The following POLL variants were observed in gnomAD, a reference collection of about 807,000 sequenced individuals.
POLL encodes DNA polymerase lambda, also known as DNA polymerase beta-2.
In POLL, 44 loss-of-function variants were observed where a neutral mutation model predicts 58.1. That is an observed-to-expected ratio of 0.76 (90% confidence interval 0.60 to 0.97). The LOEUF (loss-of-function observed/expected upper bound fraction) is 0.97, where lower values mean the gene tolerates loss of function less well. POLL is among the 50% of genes least tolerant of loss of function. POLL has a pLI of 0.00. For missense variants in POLL, 632 were observed against 736.8 expected (o/e 0.86, Z 1.65); for synonymous variants, 290 against 283.2 (o/e 1.02, Z -0.24).
At chr10:101,584,981 A>T in intron 4 of POLL, 62 bp from the exon 5 acceptor site, 1 of 911,588 alleles carries the variant, frequency 1.1e-6, no homozygotes, top group Non-Finnish European at 1.5e-6. Flanking sequence ...GGATCCTTAA[A>T]GGTGGGGGTC....
chr10:101,584,548 G>A, intron 5 of POLL, 54 bp downstream of exon 5: 1 of 1,296,990 alleles, frequency 7.7e-7, no homozygotes, highest in East Asian at 2.4e-5. Flanking sequence ...CCCCACTGGG[G>A]TTACTAACCA....
chr10:101,580,470 C>T lies in POLL; in HGVS notation c.1195-54G>A. 2 of 1,547,166 alleles carry T rather than the reference C, an allele frequency of 1.3e-6. No individual in the cohort carries two copies. The highest frequency in any genetic ancestry group is 2.2e-5 in the East Asian group (1 of 44,510). ...GGCTGTGCGTGGGGAGCTCCTCTCC[C>T]ACAGCAGTACAAGGGCCTTCCCAGA... is the stretch of plus-strand genomic sequence containing the variant. On this transcript the variant is annotated intron_variant, in intron 7 of 8. Coordinates refer to ENST00000370162, the MANE Select transcript of POLL (RefSeq NM_001174084.2). This position sits in a 1 kb window ranked among gnomAD's most constrained non-coding sequence, Gnocchi z 4.1.
rs112379699 is a variant in POLL at position 101,580,188 on chromosome 10, G to A, written c.1363+60C>T. ...GAACTTCTGAGGTTCTCCCTCTGAG[G>A]GGGCCCCCAGACCTGTGCTGCCCTC... is the stretch of plus-strand genomic sequence containing the variant. On this transcript the variant is annotated intron_variant, in intron 8 of 8. Transcript: ENST00000370162. This position sits in a 1 kb window ranked among gnomAD's most constrained non-coding sequence, Gnocchi z 4.1. The A allele has an allele frequency of 6.7e-7, 1 of 1,485,362 alleles. No homozygotes were observed. Among genetic ancestry groups the A allele is most frequent in the Non-Finnish European group, 9.1e-7 (1 of 1,094,064 alleles). The allele number at this position is 1,485,362 out of a possible 1,614,324, so 92.0% of individuals were successfully genotyped here. A position where few individuals can be genotyped will look rare whatever the true frequency, so the allele number is the denominator to read the frequency against.
At chr10:101,586,449 C>T (rs1033089644) in intron 2 of POLL, among the ~76,000 whole-genome samples, 1 of 151,912 alleles carries the variant, frequency 6.6e-6, no homozygotes, top group Admixed American at 6.6e-5. Flanking sequence ...TTAATGAATG[C>T]CTCCTCCCTT....
chr10:101,584,428 T>C (rs1281844143), intron 5 of POLL, among the ~76,000 whole-genome samples, 174 bp downstream of exon 5: 1 of 152,212 alleles, frequency 6.6e-6, no homozygotes, highest in African/African-American at 2.4e-5. Flanking sequence ...ATCGTACATC[T>C]CCCAGCTTCA....
chr10:101,585,209 C>T, intron 4 of POLL, 107 bp downstream of exon 4: 2 of 958,944 alleles, frequency 2.1e-6, no homozygotes, highest in Non-Finnish European at 3.1e-6. Context: ...CAATAGAGCC[C>T]TCCTCTCTCA....
chr10:101,580,349 C>T lies in POLL; in HGVS notation c.1262G>A (p.Gly421Glu). Residue 421 changes from glycine (G) to glutamate (E), a missense_variant, in exon 8 of 9, where the codon GGA becomes GAA. By Grantham distance (98) the Gly-to-Glu change is moderately conservative. Coordinates refer to ENST00000370162, the MANE Select transcript of POLL (RefSeq NM_001174084.2). This position sits in a 1 kb window ranked among gnomAD's most constrained non-coding sequence, Gnocchi z 4.1. ...LCVACGSYRR[G>E]KATCGDVDVL... ...GTCGACATCACCACAGGTCGCCTTT[C>T]CCCGTCGGTATGAACCACATGCCAC... The T allele has an allele frequency of 6.2e-7, 1 of 1,614,058 alleles. No individual in the cohort carries two copies. The highest frequency in any genetic ancestry group is 1.1e-5 in the South Asian group (1 of 91,088).
intron 6 of POLL, 176 bp from the exon 7 acceptor site, chr10:101,583,067 G>A: frequency 1.4e-6 from 1 of 701,938 alleles, no homozygotes; most frequent in South Asian, 1.5e-5. Flanking sequence ...AGGGAGCATG[G>A]GAAACATGCC....
At position 101,579,754 on chromosome 10, in the gene POLL, A is replaced by AC. The variant is rs768313675; in HGVS notation, c.1426dup (p.Val476GlyfsTer22). 1.2e-6 allele frequency: 2 copies of AC among 1,613,696 alleles called. No homozygotes were observed. On this transcript the variant is annotated frameshift_variant, in exon 9 of 9. Coordinates refer to ENST00000370162, the MANE Select transcript of POLL (RefSeq NM_001174084.2). LOFTEE classifies it high-confidence loss of function. This position sits in a 1 kb window ranked among gnomAD's most constrained non-coding sequence, Gnocchi z 4.4. ...CCGCCCTGGCCCTGGGAGCCGGCAC[A>AC]CCCCCAAGTACTTCTGTTGCTGACC...
rs199765592 is a variant in POLL, at chr10:101,580,240, G to A, written c.1363+8C>T. 8.1e-6 allele frequency: 13 copies of A among 1,611,558 alleles called. No homozygotes were observed. In the East Asian group the frequency reaches 2.5e-4, roughly 30 times the overall value. On this transcript the variant is annotated splice_region_variant and intron_variant, in intron 8 of 8. Coordinates refer to ENST00000370162, the MANE Select transcript of POLL (RefSeq NM_001174084.2). This position sits in a 1 kb window ranked among gnomAD's most constrained non-coding sequence, Gnocchi z 4.1. ...GTCAACCTGCTCACCCAGAGATGGA[G>A]CTTATACCTTCCTGCCGAAGACTGT...
chr10:101,584,295 C>T (rs953501746), intron 5 of POLL, among the ~76,000 whole-genome samples: 2 of 151,924 alleles, frequency 1.3e-5, no homozygotes, highest in Non-Finnish European at 1.5e-5. Flanking sequence ...GCCTGGGTAA[C>T]ACGGCAAAAC....
Position 101,584,927 on chromosome 10 carries a change from T to C in POLL, c.574-8A>G. 7.2e-7 allele frequency: 1 copy of C among 1,383,086 alleles called. No homozygotes were observed. Among genetic ancestry groups the C allele is most frequent in the Non-Finnish European group, 9.4e-7 (1 of 1,059,964 alleles). 85.7% of individuals were successfully genotyped at this position (1,383,086 alleles called of 1,614,324 possible). On this transcript the variant is annotated splice_polypyrimidine_tract_variant and splice_region_variant and intron_variant, in intron 4 of 8. Transcript: ENST00000370162. ...TTCATCATCAGAGATGGGCTTGGGA[T>C]AGAGAAGAAAAGAAAACAATAAATT...
chr10:101,588,227 G>C lies in POLL; in HGVS notation c.-452C>G. On this transcript the variant is annotated 5_prime_UTR_variant, in exon 1 of 9. Coordinates refer to ENST00000370162, the MANE Select transcript of POLL (RefSeq NM_001174084.2). Reference sequence around the variant, plus strand: ...ACCAGCAGAGCCAATGAGAGCGGACGAAGGGGGGAAGGAGGGCAAATGGCC... The same window carrying C: ...ACCAGCAGAGCCAATGAGAGCGGACCAAGGGGGGAAGGAGGGCAAATGGCC... The C allele has an allele frequency of 1.3e-6, 2 of 1,548,494 alleles. No homozygotes were observed. Among genetic ancestry groups the C allele is most frequent in the Non-Finnish European group, 1.7e-6 (2 of 1,146,572 alleles).
chr10:101,585,833 AT>A, intron 3 of POLL, 28 bp downstream of exon 3: 2 of 1,501,468 alleles, frequency 1.3e-6, no homozygotes, highest in South Asian at 2.7e-5. Flanking sequence ...ACTAGAAAAC[AT>A]TTGAAAAAAA....
rs1343315076 is a variant in POLL, at chr10:101,584,686, AAC to A, written c.805_806del (p.Val269SerfsTer22). On this transcript the variant is annotated frameshift_variant, in exon 5 of 9. Coordinates refer to ENST00000370162, the MANE Select transcript of POLL (RefSeq NM_001174084.2). LOFTEE classifies it high-confidence loss of function. Reference sequence around the variant, plus strand: ...CCAGGGCCCTCCACTTGTCTCCCTGAACACTGTAGGCTTTGGCCAGAACTTCC... The same window carrying A: ...CCAGGGCCCTCCACTTGTCTCCCTGAACTGTAGGCTTTGGCCAGAACTTCC... ...KLEVLAKAYSVQGDKWRALGY... is the reference protein window; with the variant it reads ...KLEVLAKAYSXQGDKWRALGY... The A allele has an allele frequency of 6.2e-7, 1 of 1,613,796 alleles. No homozygotes were observed. The highest frequency in any genetic ancestry group is 1.3e-5 in the African/African-American group (1 of 74,922).
Position 101,585,918 on chromosome 10 carries a change from G to T in POLL, c.354C>A (p.Cys118Ter). Residue 118 changes from cysteine (C) to a stop codon, truncating the protein, a stop_gained, in exon 3 of 9, where the codon TGC becomes TGA. Coordinates refer to ENST00000370162, the MANE Select transcript of POLL (RefSeq NM_001174084.2). LOFTEE classifies it high-confidence loss of function. ...QLVKSAWLSL[C>*]LQERRLVDVA... The stretch of plus-strand genomic sequence containing the variant: ...CATCCACCAGCCTCCTCTCCTGAAG[G>T]CACAAGCTCAGCCAGGCTGACTTCA... The T allele has an allele frequency of 6.2e-7, 1 of 1,610,922 alleles. No individual in the cohort carries two copies. Among genetic ancestry groups the T allele is most frequent in the South Asian group, 1.1e-5 (1 of 91,026 alleles).
At position 101,585,481 on chromosome 10, in the gene POLL, G is replaced by A. The variant is rs1455700852; in HGVS notation, c.411-3C>T. The A allele has an allele frequency of 1.3e-6, 2 of 1,521,944 alleles. No homozygotes were observed. Among genetic ancestry groups the A allele is most frequent in the Non-Finnish European group, 1.8e-6 (2 of 1,134,262 alleles). The allele number at this position is 1,521,944 out of a possible 1,614,324, so 94.3% of individuals were successfully genotyped here. A position where few individuals can be genotyped will look rare whatever the true frequency, so the allele number is the denominator to read the frequency against. On this transcript the variant is annotated splice_polypyrimidine_tract_variant and splice_region_variant and intron_variant, in intron 3 of 8. Transcript: ENST00000370162. ...TGGGCTGTGGATGGTCCAAGTACCT[G>A]TGGGGATGGTGATGGGAGGTTAAGA...
chr10:101,584,606 T>C lies in POLL; in HGVS notation c.887A>G (p.Tyr296Cys). 1 of 1,555,856 alleles carries C rather than the reference T, an allele frequency of 6.4e-7. No individual in the cohort carries two copies. Among genetic ancestry groups the C allele is most frequent in the Non-Finnish European group, 8.7e-7 (1 of 1,149,482 alleles). Residue 296 changes from tyrosine to cysteine, a missense_variant, in exon 5 of 9, where the codon TAC becomes TGC. Transcript: ENST00000370162. ...CCCACTCTAGCCCCTGGGTACCTGG[T>C]ACGAGGTGACAGGCTTATGGAAGCT... is the stretch of plus-strand genomic sequence containing the variant. The part of the protein sequence containing the change: ...LKSFHKPVTS[Y>C]QEACSIPGIG...
At chr10:101,587,065 C>G in intron 2 of POLL, 181 bp downstream of exon 2, 1 of 1,324,366 alleles carries the variant, frequency 7.6e-7, no homozygotes, top group Non-Finnish European at 1.1e-6. Context: ...GGTAACACAG[C>G]AAATAGCCTG....
Sources: allele counts gnomAD v4.1 joint callset (sites outside exome capture counted in the v4.1 genomes callset), GRCh38; gene constraint gnomAD v4.1.1; non-coding constraint Gnocchi (gnomAD v3.1); transcripts MANE v1.5; gene names NCBI Gene and HGNC (gene_info 2026-07-23, HGNC 2026-07-21).